The following TBX19 variants were observed in gnomAD, a reference collection of about 807,000 sequenced individuals.
TBX19 encodes T-box transcription factor 19.
In TBX19, 33 loss-of-function variants were observed where a neutral mutation model predicts 40.9. The ratio of observed to expected loss-of-function variants is 0.81; its 90% CI spans 0.61 to 1.08. The LOEUF is 1.08. TBX19 is among the 50% of genes least tolerant of loss of function. The pLI, the probability that TBX19 is intolerant of heterozygous loss-of-function variation, is 0.00. For synonymous variants in TBX19, 220 were observed against 225.0 expected (o/e 0.98, Z 0.20); for missense variants, 494 against 574.0 (o/e 0.86, Z 1.42).
At position 168,291,220 on chromosome 1, in the gene TBX19, C is replaced by T. The variant is rs767239873; in HGVS notation, c.264C>T (p.Ser88=). ...VTGLDPNAMY[S]LLLDFVPTDS... Reference sequence around the variant, plus strand: ...GGTTGGACCCCAATGCCATGTACTCCCTCCTGCTGGACTTTGTCCCTACGG... The same window carrying T: ...GGTTGGACCCCAATGCCATGTACTCTCTCCTGCTGGACTTTGTCCCTACGG... The change falls in exon 2 of 8, where the codon TCC becomes TCT. Residue 88 remains serine, a synonymous_variant. Transcript: ENST00000367821. 22 of 1,614,124 alleles carry T rather than the reference C, an allele frequency of 1.4e-5. No homozygotes were observed. Among genetic ancestry groups the T allele is most frequent in the Non-Finnish European group, 1.9e-5 (22 of 1,180,050 alleles).
intron 7 of TBX19, 132 bp from the exon 8 acceptor site, chr1:168,312,575 TA>T: frequency 9.7e-7 from 1 of 1,029,866 alleles, no homozygotes; most frequent in Non-Finnish European, 1.5e-6. Context: ...GCGTCATAGC[TA>T]GAAATAAAGC....
intron 1 of TBX19, among the ~76,000 whole-genome samples, chr1:168,290,573 C>T (rs971650067): frequency 2.0e-5 from 3 of 152,102 alleles, no homozygotes; most frequent in Non-Finnish European, 4.4e-5. Flanking sequence ...TTTTTTGAGA[C>T]AGGGTCTCAC....
At chr1:168,292,730 G>A (rs540821408) in intron 2 of TBX19, among the ~76,000 whole-genome samples, 6 of 152,138 alleles carry the variant, frequency 3.9e-5, no homozygotes, top group African/African-American at 1.2e-4. Context: ...CGGGCGTGGT[G>A]GCGGGCGCCT....
chr1:168,305,295 G>C, intron 6 of TBX19, 99 bp downstream of exon 6: 1 of 1,119,346 alleles, frequency 8.9e-7, no homozygotes, highest in Non-Finnish European at 1.3e-6. Flanking sequence ...GCTAAAGATG[G>C]AACCCCGTCA....
chr1:168,297,559 G>A (rs973805505), intron 3 of TBX19, 165 bp from the exon 4 acceptor site: 1 of 711,770 alleles, frequency 1.4e-6, no homozygotes, highest in Admixed American at 2.0e-5. Context: ...GATGGAAAGG[G>A]CCTCTGCCTC....
At chr1:168,297,700 ACTT>A in intron 3 of TBX19, 21 bp from the exon 4 acceptor site, 1 of 1,611,666 alleles carries the variant, frequency 6.2e-7, no homozygotes, top group Non-Finnish European at 8.5e-7. Context: ...TTTTACTAAC[ACTT>A]CTTGTCTTTG....
rs57039241 is a variant in TBX19, at chr1:168,293,284, A to AGT, written c.603+47_603+48dup. On this transcript the variant is annotated splice_region_variant and intron_variant, in intron 3 of 7. Coordinates refer to ENST00000367821, the MANE Select transcript of TBX19 (RefSeq NM_005149.3). ...CTGCCTATCAGAATGAGGAGGTAAG[A>AGT]GTGTGTGTGTGTGTGTGTGTGTGTG... is the stretch of plus-strand genomic sequence containing the variant. 0.21 allele frequency: 256,534 copies of AGT among 1,230,502 alleles called. 7,275 individuals carry two copies. Among genetic ancestry groups the AGT allele is most frequent in the East Asian group, 0.39 (12,771 of 32,852 alleles). 76.2% of individuals were successfully genotyped at this position (1,230,502 alleles called of 1,614,324 possible).
chr1:168,281,086 T>A lies in TBX19; in HGVS notation c.-5T>A. The A allele has an allele frequency of 6.2e-7, 1 of 1,614,046 alleles. No individual in the cohort carries two copies. The highest frequency in any genetic ancestry group is 8.5e-7 in the Non-Finnish European group (1 of 1,179,982). On this transcript the variant is annotated 5_prime_UTR_variant, in exon 1 of 8. Transcript: ENST00000367821. ...ACGGCTCTCGGCAAAGTTCGAGAAG[T>A]GCCTATGGCCATGAGTGAGCTGGGC...
intron 3 of TBX19, among the ~76,000 whole-genome samples, chr1:168,294,832 T>C (rs1649060393): frequency 6.6e-6 from 1 of 152,076 alleles, no homozygotes; most frequent in African/African-American, 2.4e-5. Context: ...AATGCTGCAA[T>C]GAATATCCTG....
At chr1:168,300,296 G>A in intron 4 of TBX19, 126 bp from the exon 5 acceptor site, 1 of 868,478 alleles carries the variant, frequency 1.2e-6, no homozygotes, top group Non-Finnish European at 1.9e-6. Flanking sequence ...AGGAGCTTAG[G>A]AAAAAGGTGT....
At chr1:168,308,640 A>T in intron 6 of TBX19, 102 bp from the exon 7 acceptor site, 2 of 1,416,318 alleles carry the variant, frequency 1.4e-6, no homozygotes, top group South Asian at 1.2e-5. Flanking sequence ...TGGTGCCTGT[A>T]GTGCAAGCCA....
At chr1:168,289,989 T>G (rs1027703797) in intron 1 of TBX19, among the ~76,000 whole-genome samples, 2 of 152,012 alleles carry the variant, frequency 1.3e-5, no homozygotes, top group African/African-American at 4.8e-5. Flanking sequence ...AGGTTGAGAG[T>G]TTGAGACCAG....
intron 5 of TBX19, among the ~76,000 whole-genome samples, 159 bp from the exon 6 acceptor site, chr1:168,304,849 C>T (rs1558194366): frequency 1.3e-5 from 2 of 152,206 alleles, no homozygotes; most frequent in Admixed American, 6.5e-5. Context: ...AGGGCAGTGG[C>T]AGCTAGGGGA....
At chr1:168,310,872 GTTA>G (rs767865780) in intron 7 of TBX19, among the ~76,000 whole-genome samples, 120 of 146,012 alleles carry the variant, frequency 8.2e-4, no homozygotes, top group South Asian at 1.3e-3. Flanking sequence ...AAATATAGAT[GTTA>G]TTATGTAAAT....
chr1:168,286,726 T>A (rs1331410660), intron 1 of TBX19, among the ~76,000 whole-genome samples: 1 of 152,270 alleles, frequency 6.6e-6, no homozygotes, highest in Non-Finnish European at 1.5e-5. Context: ...TGTTTTCATT[T>A]TTCTTGTGTA....
rs749105937 is a variant in TBX19, at chr1:168,281,050, C to T, written c.-41C>T. ...AGGGAAGGAAGAAGCTAGAAGCAGG[C>T]AAGTTGGGTAACGGCTCTCGGCAAA... On this transcript the variant is annotated 5_prime_UTR_variant, in exon 1 of 8. Coordinates refer to ENST00000367821, the MANE Select transcript of TBX19 (RefSeq NM_005149.3). 2 of 1,597,174 alleles carry T rather than the reference C, an allele frequency of 1.3e-6. No homozygotes were observed. The highest frequency in any genetic ancestry group is 1.7e-6 in the Non-Finnish European group (2 of 1,165,572).
intron 5 of TBX19, 63 bp downstream of exon 5, chr1:168,300,546 C>T (rs1293296744): frequency 2.0e-6 from 3 of 1,465,368 alleles, no homozygotes. Flanking sequence ...GCTCCTTCCA[C>T]ACTCAGACTC....
intron 3 of TBX19, among the ~76,000 whole-genome samples, chr1:168,296,323 G>A (rs1430050263): frequency 6.6e-6 from 1 of 152,024 alleles, no homozygotes; most frequent in Non-Finnish European, 1.5e-5. Context: ...CCATTTTCAC[G>A]CTGCTAATAA....
chr1:168,311,804 G>T (rs899406974), intron 7 of TBX19, among the ~76,000 whole-genome samples: 1 of 152,090 alleles, frequency 6.6e-6, no homozygotes, highest in Non-Finnish European at 1.5e-5. Context: ...CTATATTAAG[G>T]TGCAAGCTTG....
Sources: allele counts gnomAD v4.1 joint callset (sites outside exome capture counted in the v4.1 genomes callset), GRCh38; gene constraint gnomAD v4.1.1; transcripts MANE v1.5; gene names NCBI Gene and HGNC (gene_info 2026-07-23, HGNC 2026-07-21).